The following SLC35F4 variants were observed in gnomAD, a reference collection of about 807,000 sequenced individuals.
The protein encoded by SLC35F4 is chromosome 14 open reading frame 36.
Under a neutral mutation model 44.2 loss-of-function variants are expected in SLC35F4, and 24 were observed. The ratio of observed to expected loss-of-function variants is 0.54; its 90% CI spans 0.39 to 0.76. The LOEUF is 0.76. Among genes scored for constraint, SLC35F4 ranks in the 30% least tolerant of loss-of-function variants. SLC35F4 has a pLI of 0.00. For synonymous variants in SLC35F4, 238 were observed against 223.6 expected (o/e 1.06, Z -0.57); for missense variants, 562 against 586.1 (o/e 0.96, Z 0.42).
At chr14:57,969,850 C>A (rs983158116) in intron 1 of SLC35F4, among the ~76,000 whole-genome samples, 1 of 152,122 alleles carries the variant, frequency 6.6e-6, no homozygotes. Flanking sequence ...TCACTGAGCA[C>A]GGATGTTCAT....
chr14:57,586,175 A>G (rs1051956595), intron 3 of SLC35F4, among the ~76,000 whole-genome samples: 1 of 152,192 alleles, frequency 6.6e-6, no homozygotes, highest in Admixed American at 6.5e-5. Context: ...ATAACACCAC[A>G]CATCTACAAC....
intron 1 of SLC35F4, among the ~76,000 whole-genome samples, chr14:57,791,189 G>A (rs1410745803): frequency 6.6e-6 from 1 of 152,108 alleles, no homozygotes; most frequent in Non-Finnish European, 1.5e-5. Context: ...TCATCGGAGT[G>A]AACAGGCAAT....
intron 1 of SLC35F4, among the ~76,000 whole-genome samples, chr14:57,704,384 T>G (rs143743333): frequency 3.8e-4 from 58 of 152,304 alleles, no homozygotes; most frequent in African/African-American, 1.3e-3. Flanking sequence ...ATAGTAAGTG[T>G]CAATGGCCAG....
At position 57,757,955 on chromosome 14, in the gene SLC35F4, C is replaced by A. The variant is rs2077032672; in HGVS notation, c.103+107768G>T. 1.3e-5 allele frequency among the ~76,000 whole-genome samples: 2 copies of A among 150,784 alleles called. 1 individual carries two copies. ...GGTATGTGTGATAAAGGCTTTATTT[C>A]TCCTTCATTTAGAAATTTTTTTTCT... On this transcript the variant is annotated intron_variant, in intron 1 of 7. Coordinates refer to ENST00000556826, the MANE Select transcript of SLC35F4 (RefSeq NM_001306087.2).
intron 1 of SLC35F4, among the ~76,000 whole-genome samples, chr14:57,703,432 C>T (rs552505003): frequency 1.3e-5 from 2 of 152,296 alleles, no homozygotes; most frequent in African/African-American, 4.8e-5. Flanking sequence ...AAACATGCTG[C>T]TCCCAAGAGG....
intron 1 of SLC35F4, among the ~76,000 whole-genome samples, chr14:57,965,696 C>T (rs1361586194): frequency 6.6e-6 from 1 of 152,180 alleles, no homozygotes; most frequent in Non-Finnish European, 1.5e-5. Flanking sequence ...AACAGGTCAT[C>T]TTATTAGTAC....
intron 1 of SLC35F4, among the ~76,000 whole-genome samples, chr14:57,728,209 T>C (rs897922593): frequency 6.6e-6 from 1 of 152,140 alleles, no homozygotes; most frequent in Non-Finnish European, 1.5e-5. Flanking sequence ...CTACTCCTGC[T>C]CTTTTTTGGT....
intron 1 of SLC35F4, among the ~76,000 whole-genome samples, chr14:57,930,085 G>A (rs1452561815): frequency 1.3e-5 from 2 of 152,168 alleles, no homozygotes; most frequent in Non-Finnish European, 2.9e-5. Flanking sequence ...AAAACTCCCT[G>A]TGCAGAACAT....
At chr14:57,865,567 C>T (rs1350228308) in intron 1 of SLC35F4, among the ~76,000 whole-genome samples, 156 bp downstream of exon 1, 1 of 152,160 alleles carries the variant, frequency 6.6e-6, no homozygotes, top group Non-Finnish European at 1.5e-5. Context: ...ATACTTTTCT[C>T]CCCGGGGGGT....
In SLC35F4 at chr14:57,622,132, A is replaced by T. The variant is rs10132323; in HGVS notation, c.104-28008T>A. Among the ~76,000 whole-genome samples the T allele has an allele frequency of 2.4e-4, 22 of 89,990 alleles. 1 individual carries two copies. In the East Asian group the frequency reaches 4.5e-3, roughly 18 times the overall value. The allele number at this position is 89,990 out of a possible 152,430, so 59.0% of individuals were successfully genotyped here. On this transcript the variant is annotated intron_variant, in intron 1 of 7. Transcript: ENST00000556826. ...ACCACAATGAGATACCATCTCACAC[A>T]AGTTAGAATGGCAATCATTAAAAAG...
intron 1 of SLC35F4, among the ~76,000 whole-genome samples, chr14:57,617,763 A>G (rs1333266479): frequency 1.3e-5 from 2 of 152,180 alleles, no homozygotes; most frequent in African/African-American, 4.8e-5. Flanking sequence ...AAGCTTTCCT[A>G]GGGAAGTGAT....
At chr14:57,693,638 A>G (rs140299409) in intron 1 of SLC35F4, among the ~76,000 whole-genome samples, 8,955 of 152,276 alleles carry the variant, frequency 0.059, 400 homozygotes, top group Non-Finnish European at 0.089. Flanking sequence ...GCTTGCTGTC[A>G]ATAAATACGT....
At position 57,564,271 on chromosome 14, in the gene SLC35F4, T is replaced by TC; in HGVS notation, c.1321dup (p.Asp441GlyfsTer2). The TC allele has an allele frequency of 6.2e-7, 1 of 1,613,128 alleles. No homozygotes were observed. The highest frequency in any genetic ancestry group is 8.5e-7 in the Non-Finnish European group (1 of 1,179,616). ...GTTGATGAACCTCAGGGTGATTTCA[T>TC]CCCATTCCTCAGGCAACAGCATCAG... is the stretch of plus-strand genomic sequence containing the variant. On this transcript the variant is annotated frameshift_variant, in exon 8 of 8. Transcript: ENST00000556826. LOFTEE classifies it high-confidence loss of function.
At chr14:57,683,531 G>C (rs1257502559) in intron 1 of SLC35F4, among the ~76,000 whole-genome samples, 1 of 152,084 alleles carries the variant, frequency 6.6e-6, no homozygotes, top group Admixed American at 6.6e-5. Context: ...ACTTGTCTAA[G>C]GGCTGGGTAT....
chr14:57,712,297 A>G (rs1341053561), intron 1 of SLC35F4, among the ~76,000 whole-genome samples: 1 of 148,206 alleles, frequency 6.7e-6, no homozygotes, highest in Admixed American at 6.8e-5. Context: ...CCTACACAGT[A>G]TGAGGTTGTT....
chr14:57,636,932 A>G (rs1433177936), intron 1 of SLC35F4, among the ~76,000 whole-genome samples: 2 of 152,134 alleles, frequency 1.3e-5, no homozygotes, highest in African/African-American at 4.8e-5. Flanking sequence ...TTTATTTTCC[A>G]GAAAAATTAC....
chr14:57,774,262 G>C lies in SLC35F4; in HGVS notation c.103+91461C>G, dbSNP rs142366204. 3.6e-3 allele frequency among the ~76,000 whole-genome samples: 543 copies of C among 152,222 alleles called. 2 individuals carry two copies. Among genetic ancestry groups the C allele is most frequent in the African/African-American group, 0.013 (522 of 41,544 alleles). On this transcript the variant is annotated intron_variant, in intron 1 of 7. Coordinates refer to ENST00000556826, the MANE Select transcript of SLC35F4 (RefSeq NM_001306087.2). ...TACCACACCCCAGGACTTGTTCCTGGCCCCCACTGACTCCTGTGGGAGGAG... is the reference window on the plus strand; with the variant it reads ...TACCACACCCCAGGACTTGTTCCTGCCCCCCACTGACTCCTGTGGGAGGAG...
chr14:57,835,809 C>A (rs1884860018), intron 1 of SLC35F4, among the ~76,000 whole-genome samples: 3 of 152,350 alleles, frequency 2.0e-5, no homozygotes, highest in African/African-American at 7.2e-5. Context: ...TAAGTGTTAC[C>A]CTTGGCTCCT....
chr14:57,936,912 A>AAAT (rs1889807067), intron 1 of SLC35F4, among the ~76,000 whole-genome samples: 1 of 152,226 alleles, frequency 6.6e-6, no homozygotes, highest in Non-Finnish European at 1.5e-5. Flanking sequence ...AAAATGATCA[A>AAAT]GCCAGCTTAT....
Sources: gnomAD v4.1 joint callset for allele counts (sites outside exome capture counted in the v4.1 genomes callset) on GRCh38, gnomAD v4.1.1 for gene constraint, MANE v1.5 for transcripts, NCBI Gene and HGNC (gene_info 2026-07-23, HGNC 2026-07-21) for gene names.